Variants in MAP3K10 observed in about 807,000 individuals in gnomAD.
The protein encoded by MAP3K10 is MKN28 derived nonreceptor_type serine/threonine kinase.
A neutral mutation model predicts 75.0 loss-of-function variants in MAP3K10; 22 were observed. The ratio of observed to expected loss-of-function variants is 0.29; its 90% CI spans 0.21 to 0.42. The LOEUF is 0.42. MAP3K10 is among the 10% of genes least tolerant of loss of function. The probability of loss-of-function intolerance (pLI) is 1.00; values close to 1 mark genes in which losing one functional copy is unlikely to be tolerated. For synonymous variants in MAP3K10, 599 were observed against 612.9 expected (o/e 0.98, Z 0.34); for missense variants, 1,165 against 1,379.8 (o/e 0.84, Z 2.47).
Position 40,198,931 on chromosome 19 carries a change from G to A in MAP3K10, c.863+376G>A, listed in dbSNP as rs1284293446. Among the ~76,000 whole-genome samples, 1 of 152,196 alleles carries A rather than the reference G, an allele frequency of 6.6e-6. No individual in the cohort carries two copies. The highest frequency in any genetic ancestry group is 1.5e-5 in the Non-Finnish European group (1 of 68,038). The stretch of plus-strand genomic sequence containing the variant: ...AAAAATACTAAAATTACCTGGGCGT[G>A]GTGGCAGATGCCTGTTGTCCCAGCT... On this transcript the variant is annotated intron_variant, in intron 2 of 9. Transcript: ENST00000253055. The surrounding 1 kb of genome is among the most constrained non-coding windows in gnomAD (Gnocchi z 4.3).
chr19:40,197,230 A>G (rs111850862), intron 1 of MAP3K10, among the ~76,000 whole-genome samples: 78 of 152,296 alleles, frequency 5.1e-4, no homozygotes, highest in African/African-American at 1.8e-3. Flanking sequence ...GCAGACATGC[A>G]AGGCCTGGGC....
intron 2 of MAP3K10, among the ~76,000 whole-genome samples, chr19:40,199,074 AG>A (rs1200660553): frequency 6.6e-6 from 1 of 152,202 alleles, no homozygotes; most frequent in African/African-American, 2.4e-5. Flanking sequence ...CTCCAAAAAA[AG>A]AAAAAATTTA....
intron 6 of MAP3K10, among the ~76,000 whole-genome samples, chr19:40,210,455 CTT>C (rs1389941116): frequency 6.6e-6 from 1 of 152,176 alleles, no homozygotes; most frequent in African/African-American, 2.4e-5. Flanking sequence ...AATCCCAACA[CTT>C]TGGGAGACCG....
chr19:40,197,226 A>G (rs920227596), intron 1 of MAP3K10, among the ~76,000 whole-genome samples: 6 of 152,200 alleles, frequency 3.9e-5, no homozygotes, highest in African/African-American at 1.4e-4. Flanking sequence ...GCCAGCAGAC[A>G]TGCAAGGCCT....
chr19:40,193,980 T>G lies in MAP3K10; in HGVS notation c.682+1267T>G, dbSNP rs531439678. ...CCATCCCACTATTTTTAGGAATATATTGCTATTCCCCACCCATAGCAATTG... is the reference window on the plus strand; with the variant it reads ...CCATCCCACTATTTTTAGGAATATAGTGCTATTCCCCACCCATAGCAATTG... On this transcript the variant is annotated intron_variant, in intron 1 of 9. Coordinates refer to ENST00000253055, the MANE Select transcript of MAP3K10 (RefSeq NM_002446.4). Among the ~76,000 whole-genome samples, 6 of 152,314 alleles carry G rather than the reference T, an allele frequency of 3.9e-5. No individual in the cohort carries two copies. In the South Asian group the frequency reaches 8.3e-4, roughly 21 times the overall value.
intron 2 of MAP3K10, among the ~76,000 whole-genome samples, chr19:40,201,711 G>A (rs914674406): frequency 2.0e-5 from 3 of 151,236 alleles, no homozygotes; most frequent in Non-Finnish European, 4.4e-5. Context: ...TCGATCTCTT[G>A]GGCTCAAGAG....
rs372013846 is a variant in MAP3K10, at chr19:40,204,912, C to A, written c.1013-209C>A. The A allele has an allele frequency of 1.6e-5, 10 of 621,320 alleles. No homozygotes were observed. In the Admixed American group the frequency reaches 2.6e-4, roughly 16 times the overall value. The allele number at this position is 621,320 out of a possible 1,614,324, so 38.5% of individuals were successfully genotyped here. A position where few individuals can be genotyped will look rare whatever the true frequency, so the allele number is the denominator to read the frequency against. On this transcript the variant is annotated intron_variant, in intron 3 of 9. Coordinates refer to ENST00000253055, the MANE Select transcript of MAP3K10 (RefSeq NM_002446.4). This position sits in a 1 kb window ranked among gnomAD's most constrained non-coding sequence, Gnocchi z 4.3. ...CCTGATTCCACTACCAGCCCCTCCTCGGGGTGCAGGTCCCAGGGTTTCTCT... is the reference window on the plus strand; with the variant it reads ...CCTGATTCCACTACCAGCCCCTCCTAGGGGTGCAGGTCCCAGGGTTTCTCT...
rs778221515 is a variant in MAP3K10 at position 40,205,949 on chromosome 19, A to T, written c.1227A>T (p.Ala409=). 66 of 1,600,768 alleles carry T rather than the reference A, an allele frequency of 4.1e-5. No homozygotes were observed. The highest frequency in any genetic ancestry group is 5.4e-5 in the Non-Finnish European group (63 of 1,173,318). Residue 409 remains alanine, a synonymous_variant, in exon 5 of 10, where the codon GCA becomes GCT. Coordinates refer to ENST00000253055, the MANE Select transcript of MAP3K10 (RefSeq NM_002446.4). The surrounding 1 kb of genome is among the most constrained non-coding windows in gnomAD (Gnocchi z 4.3). The part of the protein sequence containing the change: ...RSREEELLRA[A]QEQRFQEEQL... ...GTGAGGAGGAGCTGCTGCGGGCGGC[A>T]CAGGAGCAGCGCTTCCAGGAGGAGC...
intron 5 of MAP3K10, among the ~76,000 whole-genome samples, chr19:40,208,345 C>CTTTCTTTT (rs1555756622): frequency 1.5e-3 from 86 of 55,906 alleles, no homozygotes; most frequent in Non-Finnish European, 2.4e-3. Context: ...CTCTTTCTTT[C>CTTTCTTTT]TTTTTTTTTT....
At chr19:40,201,815 T>A (rs867502333) in intron 2 of MAP3K10, among the ~76,000 whole-genome samples, 2,764 of 147,150 alleles carry the variant, frequency 0.019, 35 homozygotes, top group Middle Eastern at 0.031. Flanking sequence ...TTTTTTTTTT[T>A]AATTTTAAGT....
intron 5 of MAP3K10, among the ~76,000 whole-genome samples, chr19:40,207,151 A>G (rs1349300778): frequency 1.3e-5 from 2 of 152,134 alleles, no homozygotes; most frequent in Non-Finnish European, 2.9e-5. Flanking sequence ...CCATTTTTTT[A>G]CCTACAAAAA....
intron 2 of MAP3K10, among the ~76,000 whole-genome samples, chr19:40,203,109 A>C (rs1245610375): frequency 6.6e-6 from 1 of 152,194 alleles, no homozygotes; most frequent in East Asian, 1.9e-4. Context: ...TGGGAGGCTG[A>C]GGCAGGCGGA....
chr19:40,208,583 A>G (rs1973178502), intron 5 of MAP3K10, among the ~76,000 whole-genome samples: 1 of 150,226 alleles, frequency 6.7e-6, no homozygotes, highest in African/African-American at 2.4e-5. Flanking sequence ...CACACCTGTA[A>G]TCCCAGCACT....
At position 40,213,267 on chromosome 19, in the gene MAP3K10, C is replaced by T; in HGVS notation, c.1837+79C>T. ...GCCTCCTGGGGCTGAGCGAAGAGAC[C>T]AGGTTTCACTGGGCCAGTGAGTGGA... On this transcript the variant is annotated intron_variant, in intron 8 of 9. Coordinates refer to ENST00000253055, the MANE Select transcript of MAP3K10 (RefSeq NM_002446.4). This position sits in a 1 kb window ranked among gnomAD's most constrained non-coding sequence, Gnocchi z 5.7. 2 of 1,465,242 alleles carry T rather than the reference C, an allele frequency of 1.4e-6. No individual in the cohort carries two copies. The highest frequency in any genetic ancestry group is 1.8e-6 in the Non-Finnish European group (2 of 1,107,776). 90.8% of individuals were successfully genotyped at this position (1,465,242 alleles called of 1,614,324 possible).
At chr19:40,197,715 G>A (rs1972933909) in intron 1 of MAP3K10, among the ~76,000 whole-genome samples, 1 of 152,186 alleles carries the variant, frequency 6.6e-6, no homozygotes, top group South Asian at 2.1e-4. Context: ...TGACTGCAGT[G>A]TGCCACGGGG....
Position 40,214,030 on chromosome 19 carries a change from C to T in MAP3K10, c.2351C>T (p.Thr784Ile), listed in dbSNP as rs1568495489. 2 of 1,521,850 alleles carry T rather than the reference C, an allele frequency of 1.3e-6. No individual in the cohort carries two copies. Among genetic ancestry groups the T allele is most frequent in the Non-Finnish European group, 1.8e-6 (2 of 1,139,536 alleles). The allele number at this position is 1,521,850 out of a possible 1,614,324, so 94.3% of individuals were successfully genotyped here. ...PSPPPSPPAP[T>I]PTPSPSTNPL... ...CCACCACCCTCCCCGCCCGCGCCCA[C>T]ACCCACGCCCTCGCCCAGCACCAAC... The change falls in exon 9 of 10, where the codon ACA (threonine) becomes ATA (isoleucine). Residue 784 changes from threonine (T) to isoleucine (I), a missense_variant. Physicochemically the swap from Thr to Ile is moderately conservative, Grantham distance 89. Coordinates refer to ENST00000253055, the MANE Select transcript of MAP3K10 (RefSeq NM_002446.4).
At chr19:40,214,518 A>G (rs527640356) in intron 9 of MAP3K10, among the ~76,000 whole-genome samples, 9 of 152,296 alleles carry the variant, frequency 5.9e-5, no homozygotes, top group African/African-American at 1.7e-4. Context: ...CCATCTGTTA[A>G]CTGGGTGGGA....
rs766425889 is a variant in MAP3K10 at position 40,192,409 on chromosome 19, C to T, written c.378C>T (p.Ala126=). Residue 126 remains alanine, a synonymous_variant, in exon 1 of 10, where the codon GCC becomes GCT. Transcript: ENST00000253055. This position sits in a 1 kb window ranked among gnomAD's most constrained non-coding sequence, Gnocchi z 7.1. ...GTGGCGAGGAGGTGGCAGTCAAGGCCGCCCGGCTGGACCCTGAGAAGGACC... is the reference window on the plus strand; with the variant it reads ...GTGGCGAGGAGGTGGCAGTCAAGGCTGCCCGGCTGGACCCTGAGAAGGACC... ...LWRGEEVAVK[A]ARLDPEKDPA... 1.2e-6 allele frequency: 2 copies of T among 1,613,958 alleles called. No individual in the cohort carries two copies. Among genetic ancestry groups the T allele is most frequent in the South Asian group, 2.2e-5 (2 of 91,082 alleles).
Position 40,198,625 on chromosome 19 carries a change from G to C in MAP3K10, c.863+70G>C. On this transcript the variant is annotated intron_variant, in intron 2 of 9. Transcript: ENST00000253055. The surrounding 1 kb of genome is among the most constrained non-coding windows in gnomAD (Gnocchi z 4.3). ...GGAGGAAGGGGTGAGGGCAGAGTGG[G>C]AGGGAGGGTCTCCTGCTGAAGCCAG... The C allele has an allele frequency of 6.9e-7, 1 of 1,448,438 alleles. No individual in the cohort carries two copies. Among genetic ancestry groups the C allele is most frequent in the Non-Finnish European group, 9.4e-7 (1 of 1,068,938 alleles). The allele number at this position is 1,448,438 out of a possible 1,614,324, so 89.7% of individuals were successfully genotyped here.
Sources: gnomAD v4.1 joint callset for allele counts (sites outside exome capture counted in the v4.1 genomes callset) on GRCh38, gnomAD v4.1.1 for gene constraint, Gnocchi (gnomAD v3.1) non-coding constraint, MANE v1.5 for transcripts, NCBI Gene and HGNC (gene_info 2026-07-23, HGNC 2026-07-21) for gene names.